GRM3: variants seen among roughly 807,000 people sequenced by gnomAD.
The protein encoded by GRM3 is glutamate metabotropic receptor 3.
GRM3 carries 26 observed loss-of-function variants against 70.5 expected under a neutral mutation model. That is an observed-to-expected ratio of 0.37 (90% CI 0.27 to 0.51). GRM3 has a LOEUF of 0.51. GRM3 is among the 20% of genes least tolerant of loss of function. The pLI, the probability that GRM3 is intolerant of heterozygous loss-of-function variation, is 0.93. For synonymous variants in GRM3, 443 were observed against 434.9 expected (o/e 1.02, Z -0.23); for missense variants, 859 against 1,123.8 (o/e 0.76, Z 3.37).
chr7:86,758,362 G>T (rs1413638644), intron 1 of GRM3, among the ~76,000 whole-genome samples: 3 of 152,104 alleles, frequency 2.0e-5, no homozygotes, highest in Non-Finnish European at 4.4e-5. Flanking sequence ...CTCGGTTTAT[G>T]CTGACAAACC....
intron 3 of GRM3, among the ~76,000 whole-genome samples, chr7:86,801,659 C>T (rs982709261): frequency 6.6e-6 from 1 of 152,004 alleles, no homozygotes; most frequent in African/African-American, 2.4e-5. Context: ...CTAGTAAGGG[C>T]AATAAGAGAG....
intron 1 of GRM3, among the ~76,000 whole-genome samples, chr7:86,708,280 T>C (rs1169864892): frequency 6.6e-6 from 1 of 152,134 alleles, no homozygotes; most frequent in Non-Finnish European, 1.5e-5. Flanking sequence ...CCATGCCCAG[T>C]GGTCTCTATA....
At chr7:86,799,318 T>G (rs1253134073) in intron 3 of GRM3, among the ~76,000 whole-genome samples, 1 of 152,230 alleles carries the variant, frequency 6.6e-6, no homozygotes, top group East Asian at 1.9e-4. Context: ...ACTTCCTCTC[T>G]TCCTATTTGA....
chr7:86,744,216 T>C (rs549240353), intron 1 of GRM3, among the ~76,000 whole-genome samples: 4 of 151,988 alleles, frequency 2.6e-5, no homozygotes, highest in African/African-American at 4.8e-5. Context: ...AGAGTATAAG[T>C]ATAAGTAAGA....
At chr7:86,767,762 C>A (rs376407283) in intron 2 of GRM3, among the ~76,000 whole-genome samples, 2 of 151,766 alleles carry the variant, frequency 1.3e-5, no homozygotes, top group South Asian at 4.2e-4. Flanking sequence ...GTGTAAATAT[C>A]CCACTTATCC....
chr7:86,859,641 A>G (rs1275330852), intron 5 of GRM3, among the ~76,000 whole-genome samples: 1 of 152,038 alleles, frequency 6.6e-6, no homozygotes, highest in Admixed American at 6.6e-5. Context: ...TGAAATGTTT[A>G]TTTTTTTTCT....
chr7:86,796,980 C>T (rs762493559), intron 3 of GRM3, among the ~76,000 whole-genome samples: 1 of 152,212 alleles, frequency 6.6e-6, no homozygotes, highest in South Asian at 2.1e-4. Context: ...GTAAGATATG[C>T]CTTTGCTCCT....
At chr7:86,727,051 G>A (rs571364322) in intron 1 of GRM3, among the ~76,000 whole-genome samples, 57 of 152,274 alleles carry the variant, frequency 3.7e-4, no homozygotes, top group African/African-American at 1.3e-3. Flanking sequence ...ATTCAAGTTA[G>A]AATAAGACAC....
rs150244681 is a variant in GRM3 at position 86,856,201 on chromosome 7, T to G, written c.2566+5657T>G. ...ACTCATGCCTGTAGTCCCAGCACTTTGGAAGGCCAAGGCAGGTGGATCACC... is the reference window on the plus strand; with the variant it reads ...ACTCATGCCTGTAGTCCCAGCACTTGGGAAGGCCAAGGCAGGTGGATCACC... On this transcript the variant is annotated intron_variant, in intron 5 of 5. Transcript: ENST00000361669. Among the ~76,000 whole-genome samples, 110 of 152,280 alleles carry G rather than the reference T, an allele frequency of 7.2e-4. 1 individual carries two copies. Among genetic ancestry groups the G allele is most frequent in the African/African-American group, 2.4e-3 (100 of 41,568 alleles).
At chr7:86,669,101 G>C (rs1418891268) in intron 1 of GRM3, among the ~76,000 whole-genome samples, 1 of 152,104 alleles carries the variant, frequency 6.6e-6, no homozygotes, top group Non-Finnish European at 1.5e-5. Context: ...GCAACCTACA[G>C]AAAATAACTA....
rs141380662 is a variant in GRM3 at position 86,672,620 on chromosome 7, G to T, written c.-141+27748G>T. Among the ~76,000 whole-genome samples the T allele has an allele frequency of 3.5e-3, 533 of 151,506 alleles. 5 individuals carry two copies. The highest frequency in any genetic ancestry group is 0.012 in the African/African-American group (506 of 41,284). On this transcript the variant is annotated intron_variant, in intron 1 of 5. Transcript: ENST00000361669. ...TTTGTTTTTGTTTTTTTTTTCAGGA[G>T]ACCATGGCTGGCTCCCTTGTGGGGG...
chr7:86,726,899 A>G (rs1041968383), intron 1 of GRM3, among the ~76,000 whole-genome samples: 1 of 152,206 alleles, frequency 6.6e-6, no homozygotes, highest in Non-Finnish European at 1.5e-5. Flanking sequence ...ACTGGCAATA[A>G]GGAACAAGTT....
intron 5 of GRM3, among the ~76,000 whole-genome samples, chr7:86,855,460 T>A (rs1798829275): frequency 6.6e-6 from 1 of 152,150 alleles, no homozygotes; most frequent in Admixed American, 6.5e-5. Context: ...TGTATGTATG[T>A]CATTATCATG....
chr7:86,851,094 G>T (rs1038161060), intron 5 of GRM3, among the ~76,000 whole-genome samples: 1 of 152,074 alleles, frequency 6.6e-6, no homozygotes, highest in Non-Finnish European at 1.5e-5. Flanking sequence ...TGTGTTATAG[G>T]TTTTGAGAAT....
intron 1 of GRM3, among the ~76,000 whole-genome samples, chr7:86,738,552 G>A (rs1435510101): frequency 1.3e-5 from 2 of 152,124 alleles, no homozygotes; most frequent in African/African-American, 4.8e-5. Flanking sequence ...ATTTCCTCAT[G>A]TTACAAATGA....
At chr7:86,749,577 T>C (rs1297484403) in intron 1 of GRM3, among the ~76,000 whole-genome samples, 1 of 152,068 alleles carries the variant, frequency 6.6e-6, no homozygotes, top group Non-Finnish European at 1.5e-5. Context: ...AACAAATTCA[T>C]GTACAAAGGT....
intron 1 of GRM3, among the ~76,000 whole-genome samples, chr7:86,664,961 T>A (rs976092310): frequency 6.6e-6 from 1 of 152,068 alleles, no homozygotes. Context: ...AAACATGAGC[T>A]TTCTTATTTC....
At chr7:86,660,520 T>C (rs564826994) in intron 1 of GRM3, among the ~76,000 whole-genome samples, 49 of 152,134 alleles carry the variant, frequency 3.2e-4, no homozygotes, top group Non-Finnish European at 6.3e-4. Flanking sequence ...ATTTTGATAA[T>C]TTGGTTTTAA....
At chr7:86,672,331 T>C (rs1000381903) in intron 1 of GRM3, among the ~76,000 whole-genome samples, 1 of 152,132 alleles carries the variant, frequency 6.6e-6, no homozygotes, top group Non-Finnish European at 1.5e-5. Flanking sequence ...CCCTCCACAA[T>C]TGGGATAAGG....
Sources: gnomAD v4.1 joint callset for allele counts (sites outside exome capture counted in the v4.1 genomes callset) on GRCh38, gnomAD v4.1.1 for gene constraint, MANE v1.5 for transcripts, NCBI Gene and HGNC (gene_info 2026-07-23, HGNC 2026-07-21) for gene names.